ANK2: variants seen among roughly 807,000 people sequenced by gnomAD.
ANK2 encodes ankyrin 2, also known as ankyrin-2.
ANK2 carries 83 observed loss-of-function variants against 360.5 expected under a neutral mutation model. The ratio of observed to expected loss-of-function variants is 0.23; its 90% CI spans 0.19 to 0.28. ANK2 has a LOEUF of 0.28. Ranked by LOEUF, ANK2 falls within the 10% of genes least tolerant of loss-of-function variation. ANK2 has a pLI of 1.00. For missense variants in ANK2, 4,201 were observed against 4,795.7 expected, an observed-to-expected ratio of 0.88 and a Z score of 3.66; for synonymous variants, 1,740 against 1,759.5, an observed-to-expected ratio of 0.99 and a Z score of 0.28.
intron 9 of ANK2, among the ~76,000 whole-genome samples, chr4:113,247,190 C>T (rs986577678): frequency 6.8e-6 from 1 of 147,080 alleles, no homozygotes; most frequent in Admixed American, 6.7e-5. Context: ...ACAGAGAAAA[C>T]ACAAGGGGTC....
chr4:112,875,670 A>G (rs914929032), intron 1 of ANK2, among the ~76,000 whole-genome samples: 11 of 151,836 alleles, frequency 7.2e-5, no homozygotes, highest in Admixed American at 3.9e-4. Context: ...TAATCATTAC[A>G]GCAAATGTGA....
At chr4:113,012,558 G>C (rs1317828731) in intron 2 of ANK2, among the ~76,000 whole-genome samples, 4 of 152,158 alleles carry the variant, frequency 2.6e-5, no homozygotes, top group Non-Finnish European at 5.9e-5. Context: ...TTTCAAGTGA[G>C]ATACCAGTTT....
intron 3 of ANK2, 99 bp from the exon 4 acceptor site, chr4:113,198,912 C>T (rs930041195): frequency 2.7e-5 from 26 of 957,118 alleles, no homozygotes; most frequent in Non-Finnish European, 3.8e-5. Context: ...AAATTTTAAT[C>T]GGTTAAAGTG....
chr4:113,108,274 C>T (rs1460587103), intron 1 of ANK2, among the ~76,000 whole-genome samples: 1 of 152,094 alleles, frequency 6.6e-6, no homozygotes, highest in East Asian at 1.9e-4. Context: ...GCTTCCTCCC[C>T]AATCTTTTTG....
intron 1 of ANK2, among the ~76,000 whole-genome samples, chr4:113,162,981 A>G (rs561208835): frequency 7.9e-5 from 12 of 152,148 alleles, no homozygotes; most frequent in Non-Finnish European, 1.6e-4. Flanking sequence ...GAGAAATTGA[A>G]AGCTATAATT....
At chr4:113,191,669 G>A (rs1036428916) in intron 2 of ANK2, among the ~76,000 whole-genome samples, 3 of 152,182 alleles carry the variant, frequency 2.0e-5, no homozygotes, top group African/African-American at 4.8e-5. Flanking sequence ...CTGTTTGCAT[G>A]TAACTGGGAA....
intron 1 of ANK2, among the ~76,000 whole-genome samples, chr4:112,867,234 A>G (rs2070945853): frequency 6.6e-6 from 1 of 151,714 alleles, no homozygotes; most frequent in Non-Finnish European, 1.5e-5. Flanking sequence ...TATAAAGGCT[A>G]TTGCTTTTTA....
rs534913471 is a variant in ANK2 at position 113,244,399 on chromosome 4, C to CA, written c.891+2197dup. 5.5e-4 allele frequency among the ~76,000 whole-genome samples: 83 copies of CA among 151,922 alleles called. 1 individual carries two copies. The South Asian group carries it at 7.7e-3, about 14-fold the overall frequency. On this transcript the variant is annotated intron_variant, in intron 9 of 45. Transcript: ENST00000357077. The stretch of plus-strand genomic sequence containing the variant: ...AGTTTAATAATAGGTTCTTAAAAAA[C>CA]AAAAAAACAAAAAACAAACAAAACC...
rs1561712701 is a variant in ANK2, at chr4:113,050,989, TGTG to T, written c.84+1178_84+1180del. Among the ~76,000 whole-genome samples the T allele has an allele frequency of 1.0e-3, 159 of 152,264 alleles. 1 individual carries two copies. The East Asian group carries it at 0.026, about 25-fold the overall frequency. The stretch of plus-strand genomic sequence containing the variant: ...TCATGCAATTTGATAGAAATAAGCA[TGTG>T]ATGATTTTTAATCATAGCGTAGAGA... On this transcript the variant is annotated intron_variant, in intron 1 of 45. Transcript: ENST00000357077.
At chr4:113,012,314 A>G (rs1043667964) in intron 2 of ANK2, among the ~76,000 whole-genome samples, 2 of 152,088 alleles carry the variant, frequency 1.3e-5, no homozygotes, top group African/African-American at 4.8e-5. Context: ...CTGTGCCCTC[A>G]TTGATTTGGT....
chr4:113,073,813 A>G (rs796994466), intron 1 of ANK2, among the ~76,000 whole-genome samples: 23 of 152,322 alleles, frequency 1.5e-4, no homozygotes, highest in African/African-American at 5.5e-4. Flanking sequence ...GGCCGCCTCT[A>G]CGCAGCATGC....
At chr4:112,728,505 C>G in the ANK2 span, among the ~76,000 whole-genome samples, 2 of 151,880 alleles carry the variant, frequency 1.3e-5, no homozygotes, top group African/African-American at 2.4e-5. Context: ...AATCCCAGCA[C>G]TTTGGGAAGC....
At chr4:113,022,148 AT>A (rs2058321635) in intron 2 of ANK2, among the ~76,000 whole-genome samples, 1 of 152,206 alleles carries the variant, frequency 6.6e-6, no homozygotes, top group Non-Finnish European at 1.5e-5. Context: ...CAAATTATCA[AT>A]TTGTCCAATT....
chr4:113,189,985 A>G (rs896580342), intron 2 of ANK2, among the ~76,000 whole-genome samples: 3 of 152,108 alleles, frequency 2.0e-5, no homozygotes, highest in African/African-American at 4.8e-5. Context: ...ACTTCTAGAA[A>G]TTATACTCTT....
At chr4:113,287,541 A>T in intron 18 of ANK2, 64 bp from the exon 19 acceptor site, 1 of 1,198,200 alleles carries the variant, frequency 8.3e-7, no homozygotes, top group Non-Finnish European at 1.2e-6. Flanking sequence ...TTTTCATAAT[A>T]TTATAGATGA....
intron 43 of ANK2, among the ~76,000 whole-genome samples, chr4:113,372,094 G>T (rs573824965): frequency 6.6e-6 from 1 of 152,226 alleles, no homozygotes; most frequent in East Asian, 1.9e-4. Context: ...AAAAAGTTCT[G>T]CTAGAAACAG....
chr4:113,105,729 A>C (rs2093539535), intron 1 of ANK2, among the ~76,000 whole-genome samples: 1 of 152,210 alleles, frequency 6.6e-6, no homozygotes, highest in African/African-American at 2.4e-5. Flanking sequence ...TGAATAGTCT[A>C]TGGTAATTCT....
intron 4 of ANK2, among the ~76,000 whole-genome samples, chr4:113,220,135 T>C (rs2099133868): frequency 6.6e-6 from 1 of 152,310 alleles, no homozygotes; most frequent in African/African-American, 2.4e-5. Context: ...CATTTTCTTG[T>C]TCAGACTCAA....
intron 1 of ANK2, among the ~76,000 whole-genome samples, chr4:113,083,313 G>T (rs908346815): frequency 2.0e-5 from 3 of 152,054 alleles, no homozygotes; most frequent in Non-Finnish European, 4.4e-5. Flanking sequence ...CTGAGTAGCT[G>T]GGATTACAGG....
Sources: allele counts gnomAD v4.1 joint callset (sites outside exome capture counted in the v4.1 genomes callset), GRCh38; gene constraint gnomAD v4.1.1; transcripts MANE v1.5; gene names NCBI Gene and HGNC (gene_info 2026-07-23, HGNC 2026-07-21).